CNTNAP2: variants seen among roughly 807,000 people sequenced by gnomAD.
CNTNAP2 encodes contactin-associated protein-like 2.
A neutral mutation model predicts 155.2 loss-of-function variants in CNTNAP2; 98 were observed. The observed-to-expected ratio is 0.63, with a 90% CI of 0.54 to 0.75. CNTNAP2 has a LOEUF of 0.75. Among genes scored for constraint, CNTNAP2 ranks in the 30% least tolerant of loss-of-function variants. The probability of loss-of-function intolerance (pLI) is 0.00; values close to 1 mark genes in which losing one functional copy is unlikely to be tolerated. For missense variants in CNTNAP2, 1,727 were observed against 1,688.1 expected (o/e 1.02, Z -0.40); for synonymous variants, 651 against 631.2 (o/e 1.03, Z -0.47).
chr7:146,721,002 C>CTATATACTCTATATAT (rs1554472254), intron 1 of CNTNAP2, among the ~76,000 whole-genome samples: 1 of 91,752 alleles, frequency 1.1e-5, no homozygotes, highest in African/African-American at 8.5e-5. Context: ...TATATATAGT[C>CTATATACTCTATATAT]TATATATATA....
At chr7:147,287,019 T>C (rs1315049517) in intron 8 of CNTNAP2, among the ~76,000 whole-genome samples, 1 of 152,156 alleles carries the variant, frequency 6.6e-6, no homozygotes, top group Non-Finnish European at 1.5e-5. Context: ...CAGTGACACT[T>C]GTTACGGCAT....
intron 13 of CNTNAP2, among the ~76,000 whole-genome samples, chr7:147,726,261 T>TCA (rs369692693): frequency 1.1e-3 from 161 of 151,860 alleles, no homozygotes; most frequent in African/African-American, 3.4e-3. Context: ...AGTATCCTTG[T>TCA]CACACACACA....
At chr7:147,988,728 G>C (rs550145395) in intron 15 of CNTNAP2, among the ~76,000 whole-genome samples, 1 of 152,098 alleles carries the variant, frequency 6.6e-6, no homozygotes, top group East Asian at 1.9e-4. Context: ...AGATGCAGGC[G>C]GGAGATTTCT....
At chr7:146,884,798 CT>C (rs112511435) in intron 3 of CNTNAP2, among the ~76,000 whole-genome samples, 27 of 152,082 alleles carry the variant, frequency 1.8e-4, no homozygotes, top group African/African-American at 6.3e-4. Flanking sequence ...GAGTAAATTA[CT>C]TTGTAAATGA....
intron 1 of CNTNAP2, among the ~76,000 whole-genome samples, chr7:146,655,919 C>T (rs1385228308): frequency 6.6e-6 from 1 of 152,078 alleles, no homozygotes; most frequent in Non-Finnish European, 1.5e-5. Context: ...CTTCTCTGAG[C>T]ATCTCTCTAG....
At chr7:148,246,226 G>T (rs541141825) in intron 20 of CNTNAP2, among the ~76,000 whole-genome samples, 41 of 152,310 alleles carry the variant, frequency 2.7e-4, no homozygotes, top group Non-Finnish European at 5.4e-4. Context: ...TACTGGTAAA[G>T]TAATATCAAT....
chr7:147,128,118 A>G (rs1468057747), intron 6 of CNTNAP2, among the ~76,000 whole-genome samples: 1 of 152,258 alleles, frequency 6.6e-6, no homozygotes, highest in East Asian at 1.9e-4. Flanking sequence ...TGAGTTCCCA[A>G]ATCCTAAGTG....
chr7:147,091,989 T>C (rs967822100), intron 4 of CNTNAP2, among the ~76,000 whole-genome samples: 2 of 151,882 alleles, frequency 1.3e-5, no homozygotes, highest in African/African-American at 4.8e-5. Context: ...TCTGCCCACC[T>C]CCACCTCCCA....
At chr7:147,119,633 A>G (rs1801061174) in intron 5 of CNTNAP2, among the ~76,000 whole-genome samples, 1 of 152,086 alleles carries the variant, frequency 6.6e-6, no homozygotes, top group Non-Finnish European at 1.5e-5. Flanking sequence ...ATTTGATTTC[A>G]TCACCATAAA....
chr7:147,155,111 G>A (rs1288752255), intron 8 of CNTNAP2, among the ~76,000 whole-genome samples: 1 of 152,116 alleles, frequency 6.6e-6, no homozygotes, highest in African/African-American at 2.4e-5. Context: ...AACCGCGGAG[G>A]TGAGAGTATT....
intron 1 of CNTNAP2, among the ~76,000 whole-genome samples, chr7:146,711,484 G>A (rs192230392): frequency 8.6e-4 from 128 of 148,110 alleles, no homozygotes; most frequent in African/African-American, 3.0e-3. Context: ...TTTATTCACT[G>A]CTTAAATTTC....
intron 8 of CNTNAP2, among the ~76,000 whole-genome samples, chr7:147,275,041 A>T (rs1057041765): frequency 4.6e-5 from 7 of 152,096 alleles, no homozygotes; most frequent in South Asian, 2.1e-4. Flanking sequence ...TACCAATACC[A>T]TGCTGTTTTG....
At chr7:147,930,409 C>T (rs565706869) in intron 14 of CNTNAP2, among the ~76,000 whole-genome samples, 5 of 152,118 alleles carry the variant, frequency 3.3e-5, no homozygotes, top group Non-Finnish European at 5.9e-5. Flanking sequence ...ATGCAAATGG[C>T]AACCAAAAGA....
rs1269713344 is a variant in CNTNAP2 at position 146,151,667 on chromosome 7, T to C, written c.97+34694T>C. Reference sequence around the variant, plus strand: ...ATATATATATATATATATATATATATATATATATATATATGTATATATATA... The same window carrying C: ...ATATATATATATATATATATATATACATATATATATATATGTATATATATA... On this transcript the variant is annotated intron_variant, in intron 1 of 23. Transcript: ENST00000361727. Among the ~76,000 whole-genome samples the C allele has an allele frequency of 1.3e-3, 78 of 59,852 alleles. 1 individual carries two copies. The highest frequency in any genetic ancestry group is 2.9e-3 in the African/African-American group (40 of 14,018). The allele number at this position is 59,852 out of a possible 152,430, so 39.3% of individuals were successfully genotyped here.
intron 3 of CNTNAP2, among the ~76,000 whole-genome samples, chr7:146,917,336 G>A (rs1796414757): frequency 6.6e-6 from 1 of 152,102 alleles, no homozygotes; most frequent in South Asian, 2.1e-4. Context: ...TTTGTTCCAG[G>A]GTATAGTTTA....
chr7:146,570,308 G>T (rs1209470427), intron 1 of CNTNAP2, among the ~76,000 whole-genome samples: 2 of 151,968 alleles, frequency 1.3e-5, no homozygotes, highest in Non-Finnish European at 2.9e-5. Flanking sequence ...TAACAGAACA[G>T]AATACAGTGA....
chr7:147,389,110 T>C (rs1796668686), intron 9 of CNTNAP2, among the ~76,000 whole-genome samples: 1 of 152,170 alleles, frequency 6.6e-6, no homozygotes, highest in African/African-American at 2.4e-5. Context: ...GAGGCTGTTT[T>C]CCTGCCCCTG....
At chr7:147,376,776 A>C (rs969758636) in intron 9 of CNTNAP2, among the ~76,000 whole-genome samples, 1 of 152,006 alleles carries the variant, frequency 6.6e-6, no homozygotes, top group South Asian at 2.1e-4. Flanking sequence ...AACTGGGGCA[A>C]TAAATAGGAT....
In CNTNAP2 at chr7:147,515,698, A is replaced by G. The variant is rs140033972; in HGVS notation, c.1777+29657A>G. Among the ~76,000 whole-genome samples the G allele has an allele frequency of 2.8e-3, 425 of 152,312 alleles. 1 individual carries two copies. Among genetic ancestry groups the G allele is most frequent in the African/African-American group, 9.3e-3 (387 of 41,558 alleles). On this transcript the variant is annotated intron_variant, in intron 11 of 23. Coordinates refer to ENST00000361727, the MANE Select transcript of CNTNAP2 (RefSeq NM_014141.6). ...GTCTCCCGCAATTAGAATGTTAATT[A>G]CATGAGTTCAGGGACTTTTACCTGT...
Sources: allele counts gnomAD v4.1 joint callset (sites outside exome capture counted in the v4.1 genomes callset), GRCh38; gene constraint gnomAD v4.1.1; transcripts MANE v1.5; gene names NCBI Gene and HGNC (gene_info 2026-07-23, HGNC 2026-07-21).